Variants in FAM184B observed in about 807,000 individuals in gnomAD.
The protein encoded by FAM184B is family with sequence similarity 184 member B, also known as protein FAM184B.
FAM184B carries 111 observed loss-of-function variants against 135.9 expected under a neutral mutation model. The observed-to-expected ratio is 0.82, with a 90% CI of 0.70 to 0.96. The LOEUF (loss-of-function observed/expected upper bound fraction) is 0.96. Ranked by LOEUF, FAM184B falls within the 40% of genes least tolerant of loss-of-function variation. The pLI is 0.00. For missense variants in FAM184B, 1,375 were observed against 1,323.9 expected, an observed-to-expected ratio of 1.04 and a Z score of -0.60; for synonymous variants, 552 against 524.8, an observed-to-expected ratio of 1.05 and a Z score of -0.71.
At chr4:17,744,698 G>A (rs1220751574) in intron 1 of FAM184B, among the ~76,000 whole-genome samples, 1 of 150,992 alleles carries the variant, frequency 6.6e-6, no homozygotes, top group Non-Finnish European at 1.5e-5. Context: ...CCAGCCTGGG[G>A]GACAGAGCGA....
chr4:17,655,532 A>G (rs1471489077), intron 10 of FAM184B, among the ~76,000 whole-genome samples: 1 of 152,134 alleles, frequency 6.6e-6, no homozygotes, highest in African/African-American at 2.4e-5. Context: ...GGGCCTCCTG[A>G]GGGACCTAGT....
chr4:17,634,385 G>A (rs1715061110), intron 16 of FAM184B, among the ~76,000 whole-genome samples: 1 of 152,170 alleles, frequency 6.6e-6, no homozygotes, highest in South Asian at 2.1e-4. Flanking sequence ...GTACGGTGGT[G>A]CGATCTCAGC....
Position 17,709,456 on chromosome 4 carries a change from C to T in FAM184B, c.330G>A (p.Leu110=), listed in dbSNP as rs1312720504. ...GCGCCTCCTCCGTCAGCCTCTTTTG[C>T]AGCTCCAGGGCGCTCTCCAGGGCCT... ...RIQALESALE[L]QKRLTEEALA... Residue 110 remains leucine (L), a synonymous_variant, in exon 2 of 18, where the codon CTG becomes CTA. Transcript: ENST00000265018. 2.6e-5 allele frequency: 39 copies of T among 1,527,802 alleles called. No individual in the cohort carries two copies. Among genetic ancestry groups the T allele is most frequent in the Non-Finnish European group, 3.4e-5 (39 of 1,133,428 alleles). 94.6% of individuals were successfully genotyped at this position (1,527,802 alleles called of 1,614,324 possible). A position where few individuals can be genotyped will look rare whatever the true frequency, so the allele number is the denominator to read the frequency against.
chr4:17,734,855 C>T (rs1717870788), intron 1 of FAM184B, among the ~76,000 whole-genome samples: 1 of 151,922 alleles, frequency 6.6e-6, no homozygotes, highest in African/African-American at 2.4e-5. Flanking sequence ...GACTATAAAT[C>T]ATGCTGCTAT....
At chr4:17,670,506 A>C (rs1366928576) in intron 7 of FAM184B, among the ~76,000 whole-genome samples, 2 of 152,182 alleles carry the variant, frequency 1.3e-5, no homozygotes, top group African/African-American at 4.8e-5. Context: ...AATCTGCAGG[A>C]TGTAATTTCT....
intron 1 of FAM184B, among the ~76,000 whole-genome samples, chr4:17,746,724 A>T (rs62412702): frequency 0.26 from 37,516 of 144,800 alleles, 5,146 homozygotes; most frequent in Non-Finnish European, 0.31. Context: ...AGAGCGAGAC[A>T]CGGTCTCAAA....
chr4:17,767,104 C>T (rs1035539517), intron 1 of FAM184B, among the ~76,000 whole-genome samples: 12 of 152,154 alleles, frequency 7.9e-5, no homozygotes, highest in South Asian at 2.1e-4. Flanking sequence ...CCTCCGAGTG[C>T]GGGGCCGCCG....
Position 17,779,394 on chromosome 4 carries a change from A to G in FAM184B, c.141+1765T>C, listed in dbSNP as rs150958077. Among the ~76,000 whole-genome samples, 786 of 152,362 alleles carry G rather than the reference A, an allele frequency of 5.2e-3. 4 individuals carry two copies. The highest frequency in any genetic ancestry group is 0.014 in the Middle Eastern group (4 of 294). ...AAAATGGTAAACAGACGCACTACAT[A>G]AGGATCAATTGCGATTTCTAATGCA... On this transcript the variant is annotated intron_variant, in intron 1 of 17. Transcript: ENST00000265018.
At chr4:17,640,896 G>A (rs1237457301) in intron 13 of FAM184B, among the ~76,000 whole-genome samples, 1 of 152,136 alleles carries the variant, frequency 6.6e-6, no homozygotes, top group Non-Finnish European at 1.5e-5. Context: ...ACATTCCATT[G>A]CACTCTACAA....
At chr4:17,638,354 A>ATT (rs11397589) in intron 14 of FAM184B, among the ~76,000 whole-genome samples, 13,938 of 147,756 alleles carry the variant, frequency 0.094, 1,803 homozygotes, top group African/African-American at 0.29. Flanking sequence ...ATGCCCAGCA[A>ATT]TTTTTTTTTT....
chr4:17,639,231 G>C lies in FAM184B; in HGVS notation c.2666+19C>G. On this transcript the variant is annotated intron_variant, in intron 14 of 17. Transcript: ENST00000265018. Reference sequence around the variant, plus strand: ...GGTACATTTGCAAGACCCTCCCTGGGGCCCGAGGCCTCACTTACTCGGCTT... The same window carrying C: ...GGTACATTTGCAAGACCCTCCCTGGCGCCCGAGGCCTCACTTACTCGGCTT... 1 of 1,551,010 alleles carries C rather than the reference G, an allele frequency of 6.4e-7. No homozygotes were observed. Among genetic ancestry groups the C allele is most frequent in the Non-Finnish European group, 8.7e-7 (1 of 1,146,596 alleles).
chr4:17,651,819 G>C (rs1259929238), intron 11 of FAM184B, among the ~76,000 whole-genome samples: 1 of 152,118 alleles, frequency 6.6e-6, no homozygotes, highest in East Asian at 1.9e-4. Context: ...TTTGGCTCTA[G>C]AGATCTTTAC....
intron 7 of FAM184B, among the ~76,000 whole-genome samples, chr4:17,681,281 A>G (rs1022789938): frequency 6.6e-6 from 1 of 152,202 alleles, no homozygotes; most frequent in Non-Finnish European, 1.5e-5. Flanking sequence ...ATTATGAGTA[A>G]TGAAGAAACT....
chr4:17,742,137 AAT>A (rs372209332), intron 1 of FAM184B, among the ~76,000 whole-genome samples: 64 of 26,460 alleles, frequency 2.4e-3, no homozygotes, highest in African/African-American at 4.8e-3. Flanking sequence ...TATACATATG[AAT>A]ATATATATAT....
intron 1 of FAM184B, among the ~76,000 whole-genome samples, chr4:17,762,656 C>T (rs1236105935): frequency 6.6e-6 from 1 of 152,204 alleles, no homozygotes; most frequent in East Asian, 1.9e-4. Flanking sequence ...AATCTCTGCT[C>T]ATGGAGTTGG....
At position 17,715,086 on chromosome 4, in the gene FAM184B, C is replaced by T. The variant is rs960980514; in HGVS notation, c.142-5442G>A. ...TTACATACTCCATATCACATATTTT[C>T]ACCGTCTTTTATACACATACACATT... On this transcript the variant is annotated intron_variant, in intron 1 of 17. Transcript: ENST00000265018. Among the ~76,000 whole-genome samples the T allele has an allele frequency of 4.6e-5, 7 of 152,092 alleles. No individual in the cohort carries two copies. The South Asian group carries it at 8.3e-4, about 18-fold the overall frequency.
intron 1 of FAM184B, among the ~76,000 whole-genome samples, chr4:17,754,060 T>TGGGGGTGACTTAGAGGGGGTTACTTAGA (rs1373830059): frequency 6.6e-5 from 10 of 152,172 alleles, no homozygotes; most frequent in African/African-American, 2.2e-4. Context: ...GAGGTGTTAC[T>TGGGGGTGACTTAGAGGGGGTTACTTAGA]GGAACTGGGG....
chr4:17,659,190 C>T (rs949392547), intron 9 of FAM184B, among the ~76,000 whole-genome samples: 8 of 151,304 alleles, frequency 5.3e-5, no homozygotes, highest in African/African-American at 1.5e-4. Flanking sequence ...ACGGCAGCCT[C>T]GAACTCCCAA....
At chr4:17,647,483 C>T (rs946053578) in intron 12 of FAM184B, among the ~76,000 whole-genome samples, 154 bp downstream of exon 12, 2 of 152,048 alleles carry the variant, frequency 1.3e-5, no homozygotes, top group Non-Finnish European at 2.9e-5. Context: ...ATCCTGGCCT[C>T]AAGTGGTTCT....
Sources: allele counts gnomAD v4.1 joint callset (sites outside exome capture counted in the v4.1 genomes callset), GRCh38; gene constraint gnomAD v4.1.1; transcripts MANE v1.5; gene names NCBI Gene and HGNC (gene_info 2026-07-23, HGNC 2026-07-21).